RPTOR: variants seen among roughly 807,000 people sequenced by gnomAD.
RPTOR encodes regulatory-associated protein of mTOR.
RPTOR carries 21 observed loss-of-function variants against 169.9 expected under a neutral mutation model. That is an observed-to-expected ratio of 0.12 (90% confidence interval 0.09 to 0.18). RPTOR has a LOEUF of 0.18. Among genes scored for constraint, RPTOR ranks in the 10% least tolerant of loss-of-function variants. The probability of loss-of-function intolerance (pLI) is 1.00; values close to 1 mark genes in which losing one functional copy is unlikely to be tolerated. For synonymous variants in RPTOR, 732 were observed against 753.2 expected, an observed-to-expected ratio of 0.97 and a Z score of 0.46; for missense variants, 1,133 against 1,855.9, an observed-to-expected ratio of 0.61 and a Z score of 7.16.
At chr17:80,701,790 C>T (rs2066102920) in intron 3 of RPTOR, among the ~76,000 whole-genome samples, 1 of 152,168 alleles carries the variant, frequency 6.6e-6, no homozygotes, top group Admixed American at 6.5e-5. Context: ...AGAAACTCTA[C>T]AGATGTCTAT....
chr17:80,678,775 A>G (rs35071767), intron 3 of RPTOR, among the ~76,000 whole-genome samples: 26,718 of 151,908 alleles, frequency 0.18, 3,730 homozygotes, highest in African/African-American at 0.39. Context: ...GGATTGCAGT[A>G]TCGTGGTGTT....
intron 1 of RPTOR, among the ~76,000 whole-genome samples, chr17:80,620,718 A>G (rs1396073047): frequency 6.6e-6 from 1 of 152,254 alleles, no homozygotes; most frequent in African/African-American, 2.4e-5. Flanking sequence ...GTGAGCCGAG[A>G]TCGTGCCACT....
chr17:80,560,303 G>A (rs929637451), intron 1 of RPTOR, among the ~76,000 whole-genome samples: 4 of 152,192 alleles, frequency 2.6e-5, no homozygotes, highest in Admixed American at 2.0e-4. Flanking sequence ...GGAGCAGGGC[G>A]GAGGATGGAC....
At chr17:80,574,124 T>C (rs1196457988) in intron 1 of RPTOR, among the ~76,000 whole-genome samples, 1 of 152,136 alleles carries the variant, frequency 6.6e-6, no homozygotes, top group Non-Finnish European at 1.5e-5. Context: ...AAGTTCTGAT[T>C]TAAGCTTTTA....
At chr17:80,625,894 C>T in intron 2 of RPTOR, 101 bp downstream of exon 2, 2 of 781,262 alleles carry the variant, frequency 2.6e-6, no homozygotes, top group Non-Finnish European at 4.5e-6. Context: ...GGCCCGTCTC[C>T]AGCTGTGCAA....
chr17:80,685,200 C>CACCTCATTCGGAG (rs1567856245), intron 3 of RPTOR, among the ~76,000 whole-genome samples: 62 of 151,436 alleles, frequency 4.1e-4, no homozygotes, highest in African/African-American at 9.7e-4. Context: ...TTCAGGGTCG[C>CACCTCATTCGGAG]TTGTTGCGTT....
intron 9 of RPTOR, among the ~76,000 whole-genome samples, chr17:80,831,954 G>A (rs928893182): frequency 2.6e-5 from 4 of 152,218 alleles, no homozygotes; most frequent in African/African-American, 9.7e-5. Context: ...GCAGATTTAG[G>A]GAGGCGTAAC....
intron 4 of RPTOR, among the ~76,000 whole-genome samples, chr17:80,709,980 C>G (rs1403003821): frequency 1.4e-5 from 2 of 143,416 alleles, no homozygotes; most frequent in Non-Finnish European, 3.1e-5. Flanking sequence ...ACTTACAAAA[C>G]TTTTTTTTTT....
At chr17:80,938,008 G>A (rs1400202794) in intron 24 of RPTOR, among the ~76,000 whole-genome samples, 1 of 152,254 alleles carries the variant, frequency 6.6e-6, no homozygotes, top group East Asian at 1.9e-4. Flanking sequence ...AGCAAGGGCT[G>A]TAAAGGAAGG....
chr17:80,733,731 G>T (rs189537468), intron 5 of RPTOR, among the ~76,000 whole-genome samples: 1 of 152,302 alleles, frequency 6.6e-6, no homozygotes, highest in Admixed American at 6.5e-5. Context: ...TGTGTTATTT[G>T]TATTCAGTAG....
intron 9 of RPTOR, among the ~76,000 whole-genome samples, chr17:80,826,769 C>T (rs1412076952): frequency 6.6e-6 from 1 of 152,216 alleles, no homozygotes; most frequent in East Asian, 1.9e-4. Context: ...GGTGGGCCCC[C>T]GTGCCGTCAC....
At chr17:80,722,866 G>A (rs1239989349) in intron 4 of RPTOR, among the ~76,000 whole-genome samples, 1 of 151,218 alleles carries the variant, frequency 6.6e-6, no homozygotes, top group Non-Finnish European at 1.5e-5. Context: ...GTAATCCTCT[G>A]TATGTCTTGT....
At chr17:80,686,355 T>TTTTTTATTTTTTTA (rs1190344363) in intron 3 of RPTOR, among the ~76,000 whole-genome samples, 1 of 142,780 alleles carries the variant, frequency 7.0e-6, no homozygotes, top group African/African-American at 2.9e-5. Context: ...CCTGGCTAAT[T>TTTTTTATTTTTTTA]TTTTTATTTT....
chr17:80,647,157 T>C (rs7221014), intron 3 of RPTOR, among the ~76,000 whole-genome samples: 96,925 of 152,182 alleles, frequency 0.64, 31,327 homozygotes, highest in African/African-American at 0.74. Context: ...CATTGAGCCC[T>C]TTTCTAAATA....
intron 2 of RPTOR, among the ~76,000 whole-genome samples, chr17:80,630,676 G>C (rs1163869585): frequency 7.2e-5 from 11 of 152,228 alleles, no homozygotes; most frequent in Non-Finnish European, 1.5e-5. Flanking sequence ...GTTTGTGTTT[G>C]ATTGAATTGC....
At chr17:80,666,143 C>T (rs1243307708) in intron 3 of RPTOR, among the ~76,000 whole-genome samples, 1 of 152,028 alleles carries the variant, frequency 6.6e-6, no homozygotes, top group Non-Finnish European at 1.5e-5. Flanking sequence ...TTTGATATTA[C>T]CTAAAATATT....
At chr17:80,693,813 A>G (rs1334467014) in intron 3 of RPTOR, among the ~76,000 whole-genome samples, 1 of 152,202 alleles carries the variant, frequency 6.6e-6, no homozygotes, top group Non-Finnish European at 1.5e-5. Flanking sequence ...AGTGACCTGG[A>G]AAACAGACTG....
chr17:80,714,108 G>A (rs2066220055), intron 4 of RPTOR, among the ~76,000 whole-genome samples: 1 of 151,936 alleles, frequency 6.6e-6, no homozygotes, highest in African/African-American at 2.4e-5. Context: ...CTGGCTAACT[G>A]TTTTGTATTT....
At chr17:80,838,414 G>A (rs1486498272) in intron 10 of RPTOR, among the ~76,000 whole-genome samples, 1 of 152,166 alleles carries the variant, frequency 6.6e-6, no homozygotes, top group African/African-American at 2.4e-5. Flanking sequence ...GCCCCCGGCC[G>A]CACTGCACGG....
Sources: allele counts gnomAD v4.1 joint callset (sites outside exome capture counted in the v4.1 genomes callset), GRCh38; gene constraint gnomAD v4.1.1; transcripts MANE v1.5; gene names NCBI Gene and HGNC (gene_info 2026-07-23, HGNC 2026-07-21).